The following PPP2R1B variants were observed in gnomAD, a reference collection of about 807,000 sequenced individuals.
The protein encoded by PPP2R1B is protein phosphatase 2 scaffold subunit Abeta, also known as serine/threonine-protein phosphatase 2A 65 kDa regulatory subunit A beta isoform.
In PPP2R1B, 58 loss-of-function variants were observed where a neutral mutation model predicts 72.7. The ratio of observed to expected loss-of-function variants is 0.80; its 90% confidence interval spans 0.65 to 0.99. PPP2R1B has a LOEUF of 0.99. Among genes scored for constraint, PPP2R1B ranks in the 50% least tolerant of loss-of-function variants. The pLI is 0.00. For synonymous variants in PPP2R1B, 256 were observed against 264.6 expected (o/e 0.97, Z 0.32); for missense variants, 695 against 733.6 (o/e 0.95, Z 0.61).
chr11:111,693,946 C>T, the PPP2R1B span, among the ~76,000 whole-genome samples: 3 of 152,168 alleles, frequency 2.0e-5, no homozygotes, highest in South Asian at 2.1e-4. Context: ...ACCTTGACCA[C>T]GTTTCCTGAC....
At chr11:111,764,705 G>A in intron 3 of PPP2R1B, 100 bp downstream of exon 3, 1 of 1,172,962 alleles carries the variant, frequency 8.5e-7, no homozygotes, top group Non-Finnish European at 1.2e-6. Context: ...CCCATAAAAA[G>A]ATCTGCATAA....
chr11:111,697,132 A>G, the PPP2R1B span, among the ~76,000 whole-genome samples: 5 of 152,240 alleles, frequency 3.3e-5, no homozygotes, highest in Admixed American at 1.3e-4. Flanking sequence ...CTTGGTTTCT[A>G]TTCCACTGCT....
intron 7 of PPP2R1B, 144 bp downstream of exon 7, chr11:111,754,836 T>C: frequency 1.2e-6 from 1 of 866,360 alleles, no homozygotes; most frequent in Non-Finnish European, 1.7e-6. Flanking sequence ...TATCTTTAAG[T>C]GACAATGTAA....
At chr11:111,752,055 A>G in intron 10 of PPP2R1B, 104 bp downstream of exon 10, 2 of 1,268,358 alleles carry the variant, frequency 1.6e-6, no homozygotes, top group Non-Finnish European at 2.2e-6. Flanking sequence ...ACTTTCATGC[A>G]TCTAAACAAA....
chr11:111,701,376 C>A, the PPP2R1B span: 1 of 1,540,856 alleles, frequency 6.5e-7, no homozygotes, highest in South Asian at 1.3e-5. This position sits in a 1 kb window ranked among gnomAD's most constrained non-coding sequence, Gnocchi z 4.2. Flanking sequence ...ATTTCAAGAG[C>A]CCTGGGGATG....
Position 111,742,473 on chromosome 11 carries a change from G to A in PPP2R1B, c.1697+50C>T, listed in dbSNP as rs190686919. 85 of 1,571,388 alleles carry A rather than the reference G, an allele frequency of 5.4e-5. No homozygotes were observed. The Admixed American group carries it at 1.5e-3, about 27-fold the overall frequency. ...TTAGCTAATTACTCCCCACTATAAG[G>A]TAAAATTTAAAGTACACTTTTAAAA... On this transcript the variant is annotated intron_variant, in intron 13 of 14. Coordinates refer to ENST00000527614, the MANE Select transcript of PPP2R1B (RefSeq NM_002716.5).
At chr11:111,743,564 G>A (rs558665535) in intron 11 of PPP2R1B, 34 bp from the exon 12 acceptor site, 25 of 1,575,082 alleles carry the variant, frequency 1.6e-5, no homozygotes, top group Middle Eastern at 3.4e-4. Flanking sequence ...TTCTCATATC[G>A]CTTATTGTTT....
At chr11:111,742,737 AT>A (rs1454091133) in intron 12 of PPP2R1B, 72 bp from the exon 13 acceptor site, 2 of 1,346,672 alleles carry the variant, frequency 1.5e-6, no homozygotes, top group African/African-American at 3.0e-5. Flanking sequence ...ACAAATTAAT[AT>A]TTAATAAGAA....
intron 9 of PPP2R1B, among the ~76,000 whole-genome samples, chr11:111,752,849 G>C (rs898600840): frequency 6.6e-6 from 1 of 152,178 alleles, no homozygotes; most frequent in Non-Finnish European, 1.5e-5. Context: ...TGTAGTCCCA[G>C]CTACTCAGGA....
rs548225759 is a variant in PPP2R1B, at chr11:111,766,187, C to T, written c.114+61G>A. On this transcript the variant is annotated intron_variant, in intron 1 of 14. Coordinates refer to ENST00000527614, the MANE Select transcript of PPP2R1B (RefSeq NM_002716.5). ...CCACCCCCACCGCGACGCAGGCCTTCCCCCTTCTCTACCACGCGACCAGCC... is the reference window on the plus strand; with the variant it reads ...CCACCCCCACCGCGACGCAGGCCTTTCCCCTTCTCTACCACGCGACCAGCC... 28 of 1,551,286 alleles carry T rather than the reference C, an allele frequency of 1.8e-5. No individual in the cohort carries two copies. In the South Asian group the frequency reaches 3.0e-4, roughly 17 times the overall value.
downstream of PPP2R1B, among the ~76,000 whole-genome samples, chr11:111,735,003 C>T (rs925619418): frequency 7.2e-5 from 11 of 152,270 alleles, no homozygotes; most frequent in East Asian, 3.9e-4. Flanking sequence ...AGAAGAGACC[C>T]GCATCGAAAG....
intron 3 of PPP2R1B, among the ~76,000 whole-genome samples, chr11:111,763,515 A>G (rs1045505536): frequency 6.6e-6 from 1 of 152,224 alleles, no homozygotes; most frequent in South Asian, 2.1e-4. Context: ...GGAAGCTACT[A>G]CAGCAATCTA....
chr11:111,704,953 G>C, the PPP2R1B span: 3 of 1,490,662 alleles, frequency 2.0e-6, no homozygotes. Context: ...GGTCTTTACA[G>C]TTCTTTGCCT....
chr11:111,731,393 G>A (rs1250809407), intron 15 of PPP2R1B, among the ~76,000 whole-genome samples: 1 of 152,266 alleles, frequency 6.6e-6, no homozygotes, highest in African/African-American at 2.4e-5. Flanking sequence ...CGCTCACACA[G>A]TGCATTCCCT....
the PPP2R1B span, among the ~76,000 whole-genome samples, chr11:111,718,477 C>T: frequency 5.3e-5 from 8 of 152,212 alleles, no homozygotes; most frequent in Non-Finnish European, 2.9e-5. Flanking sequence ...TAAATGACCG[C>T]TCATCGCTTT....
At chr11:111,733,029 G>A (rs948891126), downstream of PPP2R1B, among the ~76,000 whole-genome samples, 1 of 152,210 alleles carries the variant, frequency 6.6e-6, no homozygotes, top group South Asian at 2.1e-4. Context: ...CTGAGGCGAA[G>A]GGGCTGGGCC....
downstream of PPP2R1B, chr11:111,735,206 G>C (rs774002999): frequency 6.6e-6 from 1 of 152,316 alleles, no homozygotes; most frequent in Non-Finnish European, 1.5e-5. Context: ...AAAGGAAGAG[G>C]AGGAGGGTGG....
chr11:111,765,012 G>A, intron 2 of PPP2R1B, 107 bp from the exon 3 acceptor site: 1 of 1,494,918 alleles, frequency 6.7e-7, no homozygotes, highest in South Asian at 1.3e-5. Context: ...AGGTGACCCA[G>A]TCAAAATCCT....
At chr11:111,727,601 A>G (rs648033) in intron 15 of PPP2R1B, 149,843 of 155,208 alleles carry the variant, frequency 0.97, 72,568 homozygotes, top group East Asian at 1. Flanking sequence ...CCAGCAGAAG[A>G]GACTCATCAT....
Sources: allele counts gnomAD v4.1 joint callset (sites outside exome capture counted in the v4.1 genomes callset), GRCh38; gene constraint gnomAD v4.1.1; non-coding constraint Gnocchi (gnomAD v3.1); transcripts MANE v1.5; gene names NCBI Gene and HGNC (gene_info 2026-07-23, HGNC 2026-07-21).